KATNIP: variants seen among roughly 807,000 people sequenced by gnomAD.
The protein encoded by KATNIP is katanin-interacting protein.
In KATNIP, 126 loss-of-function variants were observed where a neutral mutation model predicts 174.0. The ratio of observed to expected loss-of-function variants is 0.72; its 90% CI spans 0.63 to 0.84. The LOEUF (loss-of-function observed/expected upper bound fraction) is 0.84, where lower values mean the gene tolerates loss of function less well. KATNIP is among the 40% of genes least tolerant of loss of function. The probability of loss-of-function intolerance (pLI) is 0.00; values close to 1 mark genes in which losing one functional copy is unlikely to be tolerated. For synonymous variants in KATNIP, 810 were observed against 835.7 expected (o/e 0.97, Z 0.53); for missense variants, 1,958 against 2,109.7 (o/e 0.93, Z 1.41).
At chr16:27,772,030 G>A (rs887508987) in intron 22 of KATNIP, among the ~76,000 whole-genome samples, 3 of 152,134 alleles carry the variant, frequency 2.0e-5, no homozygotes, top group Non-Finnish European at 2.9e-5. Context: ...TAATCCCAGC[G>A]CTTTAGGAGA....
chr16:27,739,024 C>T (rs1031888743), intron 14 of KATNIP, among the ~76,000 whole-genome samples: 1 of 151,758 alleles, frequency 6.6e-6, no homozygotes, highest in Non-Finnish European at 1.5e-5. Context: ...AAAAAACTCA[C>T]TGCTGCATAG....
intron 6 of KATNIP, among the ~76,000 whole-genome samples, chr16:27,650,753 C>T (rs909472893): frequency 3.9e-5 from 6 of 152,128 alleles, no homozygotes; most frequent in African/African-American, 1.4e-4. Flanking sequence ...GTAAAATACC[C>T]GAGTATGTTG....
At chr16:27,713,837 T>C (rs13335532) in intron 13 of KATNIP, among the ~76,000 whole-genome samples, 3 of 81,054 alleles carry the variant, frequency 3.7e-5, no homozygotes, top group African/African-American at 5.4e-5. Context: ...TATATATATA[T>C]ATATATATAT....
At chr16:27,652,280 A>C (rs924955555) in intron 6 of KATNIP, among the ~76,000 whole-genome samples, 1 of 152,184 alleles carries the variant, frequency 6.6e-6, no homozygotes, top group Non-Finnish European at 1.5e-5. Context: ...TGATGAGGTG[A>C]TACTTAAGTA....
At chr16:27,727,817 G>T (rs2143155431) in intron 14 of KATNIP, 1 of 152,370 alleles carries the variant, frequency 6.6e-6, no homozygotes, top group Admixed American at 6.5e-5. Flanking sequence ...ACATTTGAAA[G>T]TAAATTGTAG....
At chr16:27,574,047 A>G in intron 2 of KATNIP, 91 bp downstream of exon 2, 3 of 1,145,728 alleles carry the variant, frequency 2.6e-6, no homozygotes, top group South Asian at 1.3e-5. Flanking sequence ...CCCTAAATAT[A>G]CTCTTTTCTC....
chr16:27,748,055 A>G (rs900971367), intron 15 of KATNIP, among the ~76,000 whole-genome samples: 2 of 152,210 alleles, frequency 1.3e-5, no homozygotes, highest in African/African-American at 4.8e-5. Flanking sequence ...TGTCAGTGTC[A>G]GCAGCCGCTG....
intron 14 of KATNIP, among the ~76,000 whole-genome samples, chr16:27,723,286 C>G (rs2143021130): frequency 6.6e-6 from 1 of 152,304 alleles, no homozygotes; most frequent in South Asian, 2.1e-4. Flanking sequence ...TCCTAATCCC[C>G]TCATGCCAGG....
At chr16:27,756,814 G>A (rs1259162311) in intron 18 of KATNIP, among the ~76,000 whole-genome samples, 1 of 152,170 alleles carries the variant, frequency 6.6e-6, no homozygotes, top group Non-Finnish European at 1.5e-5. Flanking sequence ...CCACACAGCT[G>A]CGTTCAGTTA....
intron 6 of KATNIP, among the ~76,000 whole-genome samples, chr16:27,654,971 T>A (rs2142397176): frequency 6.6e-6 from 1 of 151,456 alleles, no homozygotes; most frequent in East Asian, 2.0e-4. Flanking sequence ...CAACTAAAAA[T>A]TTTTAAAATG....
rs755647429 is a variant in KATNIP, at chr16:27,704,047, A to G, written c.1389+49A>G. 1.5e-5 allele frequency: 22 copies of G among 1,452,428 alleles called. No homozygotes were observed. In the Admixed American group the frequency reaches 3.7e-4, roughly 25 times the overall value. The allele number at this position is 1,452,428 out of a possible 1,614,324, so 90.0% of individuals were successfully genotyped here. A position where few individuals can be genotyped will look rare whatever the true frequency, so the allele number is the denominator to read the frequency against. ...AGTTGTACATTCAGGAAGTTCCCTC[A>G]GAACAGGCATTTCGCATCAGTGAGG... is the stretch of plus-strand genomic sequence containing the variant. On this transcript the variant is annotated intron_variant, in intron 12 of 27. Transcript: ENST00000261588.
intron 1 of KATNIP, among the ~76,000 whole-genome samples, chr16:27,559,296 A>G (rs1004246362): frequency 3.9e-5 from 6 of 152,306 alleles, no homozygotes; most frequent in South Asian, 2.1e-4. Context: ...CTCCAGTCTC[A>G]TCTTTTTAGA....
intron 1 of KATNIP, among the ~76,000 whole-genome samples, chr16:27,551,758 T>G (rs1220461678): frequency 1.3e-5 from 2 of 151,664 alleles, no homozygotes; most frequent in African/African-American, 4.9e-5. Context: ...ATGTCTGTAA[T>G]CCCAGCTACT....
At chr16:27,731,415 G>T (rs2080677464) in intron 14 of KATNIP, among the ~76,000 whole-genome samples, 1 of 152,208 alleles carries the variant, frequency 6.6e-6, no homozygotes, top group African/African-American at 2.4e-5. Context: ...CCTGTTTCTT[G>T]CATATGTGGC....
chr16:27,654,878 C>G (rs2077219391), intron 6 of KATNIP: 1 of 659,134 alleles, frequency 1.5e-6, no homozygotes, highest in Middle Eastern at 4.1e-4. Context: ...ACCTGTAATC[C>G]CAGCACTTTG....
At chr16:27,646,185 T>C (rs2076951626) in intron 5 of KATNIP, among the ~76,000 whole-genome samples, 1 of 152,174 alleles carries the variant, frequency 6.6e-6, no homozygotes, top group African/African-American at 2.4e-5. Context: ...TGGGGCTCGC[T>C]TCAGGTGCAG....
chr16:27,632,537 A>C (rs2076521307), intron 5 of KATNIP: 1 of 436,294 alleles, frequency 2.3e-6, no homozygotes, highest in Non-Finnish European at 4.7e-6. Context: ...TGATGTCAAA[A>C]GGCGAATCGG....
At position 27,708,701 on chromosome 16, in the gene KATNIP, TAAGGACA is replaced by T. The variant is rs2079430374; in HGVS notation, c.1390-1_1395del. On this transcript the variant is annotated splice_acceptor_variant and splice_polypyrimidine_tract_variant and coding_sequence_variant and intron_variant, in exon 13 of 28. Transcript: ENST00000261588. LOFTEE classifies it high-confidence loss of function. The stretch of plus-strand genomic sequence containing the variant: ...CCTTTGGTGTTATTTTTCTCTTCTT[TAAGGACA>T]AACAGAGAATGAGGGCAGACGAGAT... The T allele has an allele frequency of 5.6e-6, 9 of 1,604,026 alleles. No homozygotes were observed. Among genetic ancestry groups the T allele is most frequent in the Non-Finnish European group, 7.7e-6 (9 of 1,172,416 alleles).
chr16:27,583,788 C>G (rs1260514698), intron 2 of KATNIP, among the ~76,000 whole-genome samples: 10 of 152,150 alleles, frequency 6.6e-5, no homozygotes, highest in Admixed American at 6.5e-4. Flanking sequence ...GAATTTGTTG[C>G]CTCACCTAGC....
Sources: allele counts gnomAD v4.1 joint callset (sites outside exome capture counted in the v4.1 genomes callset), GRCh38; gene constraint gnomAD v4.1.1; transcripts MANE v1.5; gene names NCBI Gene and HGNC (gene_info 2026-07-23, HGNC 2026-07-21).